Variants in ANKRD44 observed in about 807,000 individuals in gnomAD.
ANKRD44 encodes ankyrin repeat domain 44.
Under a neutral mutation model 116.0 loss-of-function variants are expected in ANKRD44, and 35 were observed. The ratio of observed to expected loss-of-function variants is 0.30; its 90% confidence interval spans 0.23 to 0.40. ANKRD44 has a LOEUF of 0.40. Ranked by LOEUF, ANKRD44 falls within the 10% of genes least tolerant of loss-of-function variation. ANKRD44 has a pLI of 1.00. For synonymous variants in ANKRD44, 435 were observed against 461.8 expected, an observed-to-expected ratio of 0.94 and a Z score of 0.74; for missense variants, 1,014 against 1,242.6, an observed-to-expected ratio of 0.82 and a Z score of 2.77.
intron 1 of ANKRD44, among the ~76,000 whole-genome samples, chr2:197,309,227 G>A (rs1011998456): frequency 4.6e-5 from 7 of 152,202 alleles, no homozygotes; most frequent in Admixed American, 4.6e-4. Context: ...GGCAAAGTAT[G>A]TGACCAAAAG....
chr2:197,277,362 T>C (rs1051069584), intron 1 of ANKRD44, among the ~76,000 whole-genome samples: 1 of 151,976 alleles, frequency 6.6e-6, no homozygotes, highest in Non-Finnish European at 1.5e-5. Context: ...TGTTAAGTGC[T>C]AGAAAGAAAT....
intron 1 of ANKRD44, among the ~76,000 whole-genome samples, chr2:197,268,320 G>T (rs149304613): frequency 7.2e-5 from 11 of 152,298 alleles, no homozygotes; most frequent in Non-Finnish European, 5.9e-5. Context: ...ATGCACTGGG[G>T]CACGGGAAAT....
At chr2:197,202,348 G>T (rs1488229148) in intron 1 of ANKRD44, among the ~76,000 whole-genome samples, 1 of 151,762 alleles carries the variant, frequency 6.6e-6, no homozygotes, top group East Asian at 1.9e-4. Context: ...GAAAAGATAG[G>T]TCCAAAATGA....
At chr2:197,260,413 C>T (rs1262651284) in intron 1 of ANKRD44, among the ~76,000 whole-genome samples, 3 of 152,150 alleles carry the variant, frequency 2.0e-5, no homozygotes, top group Non-Finnish European at 4.4e-5. Flanking sequence ...GGACATGAAT[C>T]ATCATTTTTT....
At chr2:196,985,762 G>A (rs76533123), downstream of ANKRD44, among the ~76,000 whole-genome samples, 1,354 of 152,236 alleles carry the variant, frequency 8.9e-3, 17 homozygotes, top group African/African-American at 0.031. Context: ...AAGTCTCTTC[G>A]TCAATAGCTG....
At chr2:197,174,736 G>C (rs2080324428) in intron 2 of ANKRD44, among the ~76,000 whole-genome samples, 1 of 152,226 alleles carries the variant, frequency 6.6e-6, no homozygotes, top group African/African-American at 2.4e-5. Context: ...CATAAGCAAA[G>C]CCATGATGAG....
chr2:197,121,216 G>A, intron 8 of ANKRD44, 116 bp downstream of exon 8: 2 of 1,027,000 alleles, frequency 1.9e-6, no homozygotes, highest in Admixed American at 4.0e-5. Context: ...TCCAAATCCA[G>A]GACAAGGCTG....
rs1487207140 is a variant in ANKRD44 at position 197,199,841 on chromosome 2, T to C, written c.28-12735A>G. Among the ~76,000 whole-genome samples, 3 of 152,340 alleles carry C rather than the reference T, an allele frequency of 2.0e-5. No individual in the cohort carries two copies. The South Asian group carries it at 6.2e-4, about 32-fold the overall frequency. On this transcript the variant is annotated intron_variant, in intron 1 of 27. Transcript: ENST00000282272. The stretch of plus-strand genomic sequence containing the variant: ...ATTAAATCATTTCTCTTAATAACTA[T>C]ATATAATACTATTCCATTGTATGGA...
intron 20 of ANKRD44, among the ~76,000 whole-genome samples, chr2:197,006,191 C>T (rs1185413611): frequency 6.6e-6 from 1 of 152,114 alleles, no homozygotes; most frequent in Non-Finnish European, 1.5e-5. Context: ...GCCTGTAATC[C>T]CAGCACTTTG....
At position 197,096,342 on chromosome 2, in the gene ANKRD44, T is replaced by C. The variant is rs574684332; in HGVS notation, c.1100+3474A>G. Among the ~76,000 whole-genome samples, 8 of 152,316 alleles carry C rather than the reference T, an allele frequency of 5.3e-5. No individual in the cohort carries two copies. The East Asian group carries it at 1.5e-3, about 29-fold the overall frequency. On this transcript the variant is annotated intron_variant, in intron 10 of 27. Coordinates refer to ENST00000282272, the MANE Select transcript of ANKRD44 (RefSeq NM_001195144.2). The stretch of plus-strand genomic sequence containing the variant: ...AGAGCCAGTTATTCATAAACTATAA[T>C]ACCCCTAATTCTGCTGTTGAGGCAG...
intron 22 of ANKRD44, 54 bp downstream of exon 22, chr2:197,001,699 T>C: frequency 2.2e-6 from 3 of 1,353,822 alleles, no homozygotes; most frequent in Non-Finnish European, 1.0e-6. Context: ...AACTTTTCTA[T>C]GTGTAGTTAA....
At chr2:197,129,153 T>C (rs1448876482) in intron 4 of ANKRD44, among the ~76,000 whole-genome samples, 3 of 151,764 alleles carry the variant, frequency 2.0e-5, no homozygotes, top group Non-Finnish European at 4.4e-5. Flanking sequence ...TTTTTTTTTT[T>C]TGAGATAGAG....
chr2:197,026,054 A>AAAAAAC (rs1190975602), intron 16 of ANKRD44, among the ~76,000 whole-genome samples: 5 of 151,692 alleles, frequency 3.3e-5, no homozygotes, highest in Admixed American at 6.6e-5. Flanking sequence ...AAACAAAAAA[A>AAAAAAC]AAAAAAACAC....
At chr2:197,050,938 T>C (rs1369819453) in intron 16 of ANKRD44, among the ~76,000 whole-genome samples, 6 of 151,642 alleles carry the variant, frequency 4.0e-5, no homozygotes, top group African/African-American at 1.5e-4. Context: ...GGGATATCTC[T>C]ACATGTGAAA....
intron 9 of ANKRD44, among the ~76,000 whole-genome samples, chr2:197,105,392 C>T (rs568615644): frequency 6.6e-6 from 1 of 152,280 alleles, no homozygotes; most frequent in South Asian, 2.1e-4. Context: ...GGATTACAAG[C>T]GTGAGCCACT....
intron 27 of ANKRD44, among the ~76,000 whole-genome samples, chr2:196,992,490 C>T (rs1368054890): frequency 6.6e-6 from 1 of 152,168 alleles, no homozygotes; most frequent in African/African-American, 2.4e-5. Flanking sequence ...ACCTTCAATG[C>T]AGCAGATTTA....
At chr2:197,096,044 C>T (rs1160007856) in intron 10 of ANKRD44, among the ~76,000 whole-genome samples, 4 of 152,132 alleles carry the variant, frequency 2.6e-5, no homozygotes, top group Admixed American at 2.0e-4. Flanking sequence ...GAGCTAACTG[C>T]TAGTCATCCT....
At chr2:196,992,521 A>G (rs962610908) in intron 27 of ANKRD44, among the ~76,000 whole-genome samples, 5 of 152,142 alleles carry the variant, frequency 3.3e-5, no homozygotes, top group Non-Finnish European at 7.3e-5. Flanking sequence ...AGCAAAACTA[A>G]TTTATTCTAT....
chr2:197,289,974 C>A (rs1397340395), intron 1 of ANKRD44, among the ~76,000 whole-genome samples: 1 of 151,746 alleles, frequency 6.6e-6, no homozygotes, highest in Non-Finnish European at 1.5e-5. Context: ...ATTCTCCTAA[C>A]CTCAGCCTCC....
Sources: allele counts gnomAD v4.1 joint callset (sites outside exome capture counted in the v4.1 genomes callset), GRCh38; gene constraint gnomAD v4.1.1; transcripts MANE v1.5; gene names NCBI Gene and HGNC (gene_info 2026-07-23, HGNC 2026-07-21).